Variants in PCDHA11 observed in about 807,000 individuals in gnomAD.
PCDHA11 encodes the protein protocadherin alpha-11.
In PCDHA11, 61 loss-of-function variants were observed where a neutral mutation model predicts 70.3. The observed-to-expected ratio is 0.87, with a 90% confidence interval of 0.71 to 1.07. The LOEUF is 1.07. Ranked by LOEUF, PCDHA11 falls within the 50% of genes least tolerant of loss-of-function variation. The pLI, the probability that PCDHA11 is intolerant of heterozygous loss-of-function variation, is 0.00. For synonymous variants in PCDHA11, 633 were observed against 555.1 expected (o/e 1.14, Z -1.97); for missense variants, 1,324 against 1,237.5 (o/e 1.07, Z -1.05).
chr5:140,914,187 A>G (rs2076635858), intron 1 of PCDHA11, among the ~76,000 whole-genome samples: 1 of 152,110 alleles, frequency 6.6e-6, no homozygotes, highest in African/African-American at 2.4e-5. Flanking sequence ...TTCTCCACCT[A>G]TTATTGTATT....
chr5:140,907,631 C>T (rs1338354291), intron 1 of PCDHA11, among the ~76,000 whole-genome samples: 1 of 152,216 alleles, frequency 6.6e-6, no homozygotes, highest in African/African-American at 2.4e-5. Flanking sequence ...GTGTTGGTCT[C>T]TGCTGCTGGC....
At chr5:140,941,240 T>TTTC (rs2092939181) in intron 1 of PCDHA11, among the ~76,000 whole-genome samples, 2 of 141,590 alleles carry the variant, frequency 1.4e-5, no homozygotes, top group Non-Finnish European at 3.0e-5. Flanking sequence ...TCTTTCTTTC[T>TTTC]TTCTTTCTTT....
chr5:140,926,842 G>A (rs1388239431), intron 1 of PCDHA11: 1 of 1,514,684 alleles, frequency 6.6e-7, no homozygotes, highest in Non-Finnish European at 8.8e-7. Flanking sequence ...GCATGGTCCT[G>A]GGTCACCGTT....
At chr5:140,917,906 G>C (rs1334892378) in intron 1 of PCDHA11, among the ~76,000 whole-genome samples, 1 of 151,938 alleles carries the variant, frequency 6.6e-6, no homozygotes, top group East Asian at 1.9e-4. Flanking sequence ...TGTTAGGATA[G>C]TTTGTTTTTC....
At chr5:141,002,676 T>C (rs2098090585) in intron 3 of PCDHA11, among the ~76,000 whole-genome samples, 1 of 152,196 alleles carries the variant, frequency 6.6e-6, no homozygotes, top group Non-Finnish European at 1.5e-5. Context: ...CCAAAACCTA[T>C]ACGACGTGCA....
At chr5:140,985,557 G>A (rs1190905215) in intron 3 of PCDHA11, among the ~76,000 whole-genome samples, 1 of 152,118 alleles carries the variant, frequency 6.6e-6, no homozygotes, top group East Asian at 1.9e-4. Context: ...GCTTCCAAAA[G>A]GCTTCTTTCT....
rs868931274 is a variant in PCDHA11 at position 140,870,948 on chromosome 5, C to A, written c.1845C>A (p.Gly615=). 2 of 1,613,466 alleles carry A rather than the reference C, an allele frequency of 1.2e-6. No individual in the cohort carries two copies. The highest frequency in any genetic ancestry group is 1.3e-5 in the African/African-American group (1 of 74,930). ...WLSYELQPAA[G]GSRIPFRVGL... is the part of the protein sequence containing the mutation. ...CATATGAATTGCAGCCGGCGGCGGGCGGCTCGCGCATCCCGTTCCGCGTGG... is the reference window on the plus strand; with the variant it reads ...CATATGAATTGCAGCCGGCGGCGGGAGGCTCGCGCATCCCGTTCCGCGTGG... Residue 615 remains glycine, a synonymous_variant, in exon 1 of 4, where the codon GGC becomes GGA. Transcript: ENST00000398640.
At chr5:140,877,346 G>GGCT (rs1217124440) in intron 1 of PCDHA11, 1 of 1,613,888 alleles carries the variant, frequency 6.2e-7, no homozygotes, top group Non-Finnish European at 8.5e-7. Flanking sequence ...TTCCACGTGG[G>GGCT]GCTGTACACT....
intron 1 of PCDHA11, among the ~76,000 whole-genome samples, chr5:140,934,783 A>C (rs2090034582): frequency 6.6e-6 from 1 of 152,180 alleles, no homozygotes; most frequent in Non-Finnish European, 1.5e-5. Context: ...GGCCCAATCC[A>C]TGTCAATTAT....
chr5:140,902,010 G>A (rs187351122), intron 1 of PCDHA11, among the ~76,000 whole-genome samples: 56 of 152,092 alleles, frequency 3.7e-4, no homozygotes, highest in African/African-American at 1.3e-3. Context: ...TCACTGTTGG[G>A]ACATATAGAA....
chr5:140,969,630 A>G (rs1185557414), intron 1 of PCDHA11: 1 of 654,766 alleles, frequency 1.5e-6, no homozygotes, highest in Non-Finnish European at 2.5e-6. Flanking sequence ...GAAACAGGAC[A>G]GGCCTTGGAA....
At chr5:140,989,665 T>G (rs2097353443) in intron 3 of PCDHA11, among the ~76,000 whole-genome samples, 2 of 152,190 alleles carry the variant, frequency 1.3e-5, no homozygotes, top group South Asian at 4.1e-4. Flanking sequence ...TAAAAGAAAC[T>G]CTGCCCAGAT....
At chr5:140,968,385 A>G (rs782234319) in intron 1 of PCDHA11, 11 of 1,613,904 alleles carry the variant, frequency 6.8e-6, no homozygotes, top group Non-Finnish European at 9.3e-6. Flanking sequence ...TTTGACTATG[A>G]GAAGTTTCGG....
At chr5:140,982,585 A>G (rs782780327) in intron 3 of PCDHA11, 22 bp downstream of exon 3, 1 of 1,611,974 alleles carries the variant, frequency 6.2e-7, no homozygotes, top group Non-Finnish European at 8.5e-7. Context: ...GGGTCTCTCC[A>G]TTCTTTCTTG....
intron 3 of PCDHA11, among the ~76,000 whole-genome samples, chr5:140,999,046 T>C (rs2097844534): frequency 6.6e-6 from 1 of 152,228 alleles, no homozygotes; most frequent in South Asian, 2.1e-4. Flanking sequence ...CAGTGTGCTT[T>C]CCACCATGCC....
At chr5:140,878,556 A>G (rs959852623) in intron 1 of PCDHA11, among the ~76,000 whole-genome samples, 3 of 152,156 alleles carry the variant, frequency 2.0e-5, no homozygotes, top group East Asian at 3.8e-4. Context: ...GATGATCCCA[A>G]ACTTATCATA....
intron 1 of PCDHA11, among the ~76,000 whole-genome samples, chr5:140,971,248 A>G (rs552592175): frequency 6.6e-6 from 1 of 152,330 alleles, no homozygotes; most frequent in East Asian, 1.9e-4. Context: ...AATTTGATAC[A>G]TAAACTATTT....
chr5:140,873,889 G>T (rs1373623503), intron 1 of PCDHA11, among the ~76,000 whole-genome samples: 2 of 152,182 alleles, frequency 1.3e-5, no homozygotes, highest in South Asian at 4.1e-4. Context: ...TTGAACTCCT[G>T]ACCTCAGGTG....
chr5:141,001,811 C>A (rs1200900455), intron 3 of PCDHA11, among the ~76,000 whole-genome samples: 1 of 152,128 alleles, frequency 6.6e-6, no homozygotes, highest in Non-Finnish European at 1.5e-5. Flanking sequence ...ATTCTACAAT[C>A]GGCCAAATTC....
Sources: gnomAD v4.1 joint callset for allele counts (sites outside exome capture counted in the v4.1 genomes callset) on GRCh38, gnomAD v4.1.1 for gene constraint, MANE v1.5 for transcripts, NCBI Gene and HGNC (gene_info 2026-07-23, HGNC 2026-07-21) for gene names.